The following CEP63 variants were observed in gnomAD, a reference collection of about 807,000 sequenced individuals.
CEP63 encodes centrosomal protein of 63 kDa.
CEP63 carries 84 observed loss-of-function variants against 89.1 expected under a neutral mutation model. The observed-to-expected ratio is 0.94, with a 90% CI of 0.79 to 1.13. CEP63 has a LOEUF of 1.13. Ranked by LOEUF, CEP63 falls within the 50% of genes most tolerant of loss-of-function variation. CEP63 has a pLI of 0.00. For synonymous variants in CEP63, 267 were observed against 272.5 expected (o/e 0.98, Z 0.20); for missense variants, 838 against 813.3 (o/e 1.03, Z -0.37).
At chr3:134,649,499 T>C in the CEP63 span, among the ~76,000 whole-genome samples, 1 of 152,312 alleles carries the variant, frequency 6.6e-6, no homozygotes, top group South Asian at 2.1e-4. Context: ...CAGAGCAGTC[T>C]CATTTCTATC....
chr3:134,752,502 G>T, the CEP63 span, among the ~76,000 whole-genome samples: 2 of 152,108 alleles, frequency 1.3e-5, no homozygotes, highest in Non-Finnish European at 2.9e-5. Context: ...CCCTCATTTC[G>T]CAGCGGTGGA....
the CEP63 span, among the ~76,000 whole-genome samples, chr3:134,655,060 C>T: frequency 6.6e-6 from 1 of 152,184 alleles, no homozygotes. Context: ...CTTAACCTCT[C>T]CGAGCCTCAG....
chr3:134,679,345 C>G, the CEP63 span, among the ~76,000 whole-genome samples: 4 of 152,200 alleles, frequency 2.6e-5, no homozygotes, highest in Admixed American at 2.0e-4. Flanking sequence ...ACTTCTAATA[C>G]TTGTGCATAT....
At chr3:134,717,704 G>T in the CEP63 span, among the ~76,000 whole-genome samples, 1 of 152,146 alleles carries the variant, frequency 6.6e-6, no homozygotes, top group East Asian at 1.9e-4. Context: ...TGAATTAGGA[G>T]GTTTCTTTAT....
chr3:134,715,147 ATTC>A, the CEP63 span, among the ~76,000 whole-genome samples: 2 of 152,100 alleles, frequency 1.3e-5, no homozygotes, highest in Admixed American at 1.3e-4. Flanking sequence ...ATTTGCATGC[ATTC>A]TTCTTGTCCA....
At chr3:134,611,788 C>T in the CEP63 span, among the ~76,000 whole-genome samples, 1 of 152,186 alleles carries the variant, frequency 6.6e-6, no homozygotes, top group African/African-American at 2.4e-5. Flanking sequence ...AGGGCTGCAG[C>T]CTCAGTTGCT....
At chr3:134,640,829 C>G in the CEP63 span, among the ~76,000 whole-genome samples, 31 of 152,368 alleles carry the variant, frequency 2.0e-4, no homozygotes, top group African/African-American at 7.2e-4. Flanking sequence ...GGGAACCTCT[C>G]TTGCTGGATT....
At chr3:134,676,431 GA>G in the CEP63 span, among the ~76,000 whole-genome samples, 1 of 152,164 alleles carries the variant, frequency 6.6e-6, no homozygotes, top group Admixed American at 6.5e-5. Flanking sequence ...TTGGGGTAGG[GA>G]AAAATGGCGG....
chr3:134,537,642 CT>C (rs1302075854), intron 6 of CEP63, among the ~76,000 whole-genome samples: 1 of 152,180 alleles, frequency 6.6e-6, no homozygotes, highest in Non-Finnish European at 1.5e-5. Context: ...TCTTCCTCCC[CT>C]CTCTTTCTTC....
At chr3:134,577,609 C>CT (rs889066103), downstream of CEP63, among the ~76,000 whole-genome samples, 1 of 150,606 alleles carries the variant, frequency 6.6e-6, no homozygotes, top group African/African-American at 2.4e-5. Context: ...TTATTTTTAA[C>CT]TTTTTTTTTC....
chr3:134,614,095 G>A, the CEP63 span, among the ~76,000 whole-genome samples: 1 of 152,142 alleles, frequency 6.6e-6, no homozygotes, highest in Non-Finnish European at 1.5e-5. Context: ...ACTGTCACTG[G>A]AACTGTCTCC....
chr3:134,568,922 C>T (rs779939713), downstream of CEP63, among the ~76,000 whole-genome samples: 23 of 152,188 alleles, frequency 1.5e-4, no homozygotes, highest in Admixed American at 9.8e-4. Flanking sequence ...TACAGTTCCA[C>T]GTGGCTGAAA....
At chr3:134,609,716 C>T in the CEP63 span, among the ~76,000 whole-genome samples, 2 of 152,172 alleles carry the variant, frequency 1.3e-5, no homozygotes. Context: ...AGCACCCCTT[C>T]CCCAAAAACC....
chr3:134,644,178 A>G, the CEP63 span, among the ~76,000 whole-genome samples: 1 of 152,104 alleles, frequency 6.6e-6, no homozygotes, highest in Non-Finnish European at 1.5e-5. Flanking sequence ...CTCCTACCCC[A>G]GCCTAGGAGA....
At chr3:134,770,715 C>T in the CEP63 span, among the ~76,000 whole-genome samples, 7 of 152,180 alleles carry the variant, frequency 4.6e-5, no homozygotes, top group Non-Finnish European at 8.8e-5. Flanking sequence ...ATAACTTGAT[C>T]TCCCTACTCA....
At chr3:134,677,838 C>T in the CEP63 span, among the ~76,000 whole-genome samples, 1 of 151,950 alleles carries the variant, frequency 6.6e-6, no homozygotes, top group African/African-American at 2.4e-5. Flanking sequence ...CCTCTCCTTC[C>T]CTTCACATAG....
chr3:134,648,282 C>A, the CEP63 span, among the ~76,000 whole-genome samples: 1 of 152,198 alleles, frequency 6.6e-6, no homozygotes, highest in Non-Finnish European at 1.5e-5. Flanking sequence ...AGCCTTGAGT[C>A]TTATTCTCCA....
the CEP63 span, among the ~76,000 whole-genome samples, chr3:134,621,574 A>G: frequency 6.6e-6 from 1 of 152,246 alleles, no homozygotes; most frequent in African/African-American, 2.4e-5. Context: ...CTCAAAATGG[A>G]TCAGTGACTC....
chr3:134,694,229 C>T, the CEP63 span, among the ~76,000 whole-genome samples: 214 of 152,214 alleles, frequency 1.4e-3, 2 homozygotes, highest in Admixed American at 3.3e-3. Flanking sequence ...TGTAGGCACC[C>T]CCATGCTCAA....
Sources: allele counts gnomAD v4.1 joint callset (sites outside exome capture counted in the v4.1 genomes callset), GRCh38; gene constraint gnomAD v4.1.1; transcripts MANE v1.5; gene names NCBI Gene and HGNC (gene_info 2026-07-23, HGNC 2026-07-21).